Variants in SGCZ observed in about 807,000 individuals in gnomAD.
SGCZ encodes the protein sarcoglycan zeta.
A neutral mutation model predicts 41.3 loss-of-function variants in SGCZ; 40 were observed. The observed-to-expected ratio is 0.97, with a 90% CI of 0.75 to 1.26. The LOEUF is 1.26. SGCZ is among the 50% of genes most tolerant of loss of function. SGCZ has a pLI of 0.00. For missense variants in SGCZ, 552 were observed against 369.8 expected (o/e 1.49, Z -4.04); for synonymous variants, 206 against 137.5 (o/e 1.50, Z -3.49).
At chr8:14,316,812 GACACACACACACACACACACAC>G (rs55956388) in intron 3 of SGCZ, among the ~76,000 whole-genome samples, 2 of 142,394 alleles carry the variant, frequency 1.4e-5, no homozygotes, top group Non-Finnish European at 3.1e-5. Context: ...ATTTATTATA[GACACACACACACACACACACAC>G]ACACACACAC....
At chr8:14,432,020 A>T (rs1799955991) in intron 2 of SGCZ, among the ~76,000 whole-genome samples, 1 of 152,036 alleles carries the variant, frequency 6.6e-6, no homozygotes, top group African/African-American at 2.4e-5. Context: ...TCCAAAAATT[A>T]AAAAAAATAA....
At chr8:14,326,235 T>C (rs969341524) in intron 2 of SGCZ, among the ~76,000 whole-genome samples, 3 of 150,802 alleles carry the variant, frequency 2.0e-5, no homozygotes, top group Admixed American at 1.3e-4. Flanking sequence ...ATGATGTCAA[T>C]GGGTTGGGAA....
chr8:14,399,018 A>C (rs1324588678), intron 2 of SGCZ, among the ~76,000 whole-genome samples: 1 of 152,110 alleles, frequency 6.6e-6, no homozygotes, highest in Non-Finnish European at 1.5e-5. Flanking sequence ...ATTTTTCCTA[A>C]AGGGAACATT....
intron 2 of SGCZ, among the ~76,000 whole-genome samples, chr8:14,405,209 T>A (rs981192980): frequency 2.6e-5 from 4 of 152,202 alleles, no homozygotes; most frequent in African/African-American, 9.7e-5. Context: ...ATCACCTCCG[T>A]TGAAATATAT....
At chr8:14,415,096 G>A (rs1013643362) in intron 2 of SGCZ, among the ~76,000 whole-genome samples, 114 of 151,912 alleles carry the variant, frequency 7.5e-4, no homozygotes, top group African/African-American at 2.5e-3. Flanking sequence ...ATCCCCTGAA[G>A]TAAAACTGTT....
At chr8:14,099,324 T>C (rs1016337367) in intron 7 of SGCZ, among the ~76,000 whole-genome samples, 2 of 152,224 alleles carry the variant, frequency 1.3e-5, no homozygotes, top group Non-Finnish European at 2.9e-5. Flanking sequence ...TTCCCTGATC[T>C]CAATCACATC....
intron 2 of SGCZ, among the ~76,000 whole-genome samples, chr8:14,428,084 TGAA>T (rs1418743082): frequency 1.3e-5 from 2 of 150,012 alleles, no homozygotes; most frequent in African/African-American, 4.9e-5. Context: ...CCGCAGATAC[TGAA>T]GAATGGTTGT....
intron 2 of SGCZ, among the ~76,000 whole-genome samples, chr8:14,476,914 T>C (rs1801378150): frequency 6.6e-6 from 1 of 152,170 alleles, no homozygotes; most frequent in Admixed American, 6.5e-5. Flanking sequence ...AACCAAACTA[T>C]TACATTCCCC....
At chr8:14,534,211 AATATG>A (rs926474946) in intron 2 of SGCZ, among the ~76,000 whole-genome samples, 2 of 151,974 alleles carry the variant, frequency 1.3e-5, no homozygotes, top group African/African-American at 4.8e-5. Flanking sequence ...GGTAGCAGGA[AATATG>A]AAGGAGAAGA....
At chr8:14,362,652 A>G (rs530095597) in intron 2 of SGCZ, among the ~76,000 whole-genome samples, 1 of 152,276 alleles carries the variant, frequency 6.6e-6, no homozygotes, top group South Asian at 2.1e-4. Context: ...TGCACCCCCC[A>G]GATGAGGCGA....
At chr8:14,410,626 G>A (rs952305951) in intron 2 of SGCZ, among the ~76,000 whole-genome samples, 2 of 151,896 alleles carry the variant, frequency 1.3e-5, no homozygotes, top group African/African-American at 2.4e-5. Context: ...GTGGACAAGG[G>A]GAGGGAGAGC....
chr8:14,254,735 G>C (rs976540019), intron 3 of SGCZ, among the ~76,000 whole-genome samples: 1 of 146,398 alleles, frequency 6.8e-6, no homozygotes, highest in South Asian at 2.1e-4. Context: ...GAATGTGAAA[G>C]ACATCGTGTC....
chr8:14,983,840 C>A (rs2130883858), intron 1 of SGCZ, among the ~76,000 whole-genome samples: 1 of 152,294 alleles, frequency 6.6e-6, no homozygotes, highest in Middle Eastern at 3.4e-3. Flanking sequence ...TAAAGCCCAA[C>A]TGCATTCTAT....
chr8:14,442,948 C>A (rs1341271148), intron 2 of SGCZ, among the ~76,000 whole-genome samples: 1 of 152,070 alleles, frequency 6.6e-6, no homozygotes, highest in Admixed American at 6.6e-5. Context: ...AGCTGATAAG[C>A]AACTTCAGCA....
chr8:15,035,139 G>C (rs1803828157), intron 1 of SGCZ, among the ~76,000 whole-genome samples: 1 of 152,014 alleles, frequency 6.6e-6, no homozygotes. Flanking sequence ...GATAATAATA[G>C]CTATAATAAC....
chr8:14,119,375 G>C (rs1438659066), intron 5 of SGCZ, among the ~76,000 whole-genome samples: 1 of 151,920 alleles, frequency 6.6e-6, no homozygotes, highest in Non-Finnish European at 1.5e-5. Context: ...TCTATTATTG[G>C]TGTTAGGAAT....
chr8:15,098,011 C>T (rs1243409360), intron 1 of SGCZ, among the ~76,000 whole-genome samples: 1 of 151,048 alleles, frequency 6.6e-6, no homozygotes, highest in Non-Finnish European at 1.5e-5. Context: ...TCTCTCCTTA[C>T]CTGGCTAACC....
intron 1 of SGCZ, among the ~76,000 whole-genome samples, chr8:15,121,802 A>T (rs1331628786): frequency 6.6e-6 from 1 of 151,948 alleles, no homozygotes; most frequent in African/African-American, 2.4e-5. Context: ...TTTTGAAAAC[A>T]GTGCCAATAT....
chr8:14,377,194 A>G (rs1466557553), intron 2 of SGCZ, among the ~76,000 whole-genome samples: 3 of 152,204 alleles, frequency 2.0e-5, no homozygotes, highest in African/African-American at 7.2e-5. Flanking sequence ...GAGATTGAGT[A>G]ATCACCAAGA....
Sources: allele counts gnomAD v4.1 joint callset (sites outside exome capture counted in the v4.1 genomes callset), GRCh38; gene constraint gnomAD v4.1.1; transcripts MANE v1.5; gene names NCBI Gene and HGNC (gene_info 2026-07-23, HGNC 2026-07-21).